The following PLCG2 variants were observed in gnomAD, a reference collection of about 807,000 sequenced individuals.
The protein encoded by PLCG2 is phospholipase C gamma 2.
A neutral mutation model predicts 175.6 loss-of-function variants in PLCG2; 69 were observed. The observed-to-expected ratio is 0.39, with a 90% CI of 0.32 to 0.48. The LOEUF is 0.48. PLCG2 is among the 20% of genes least tolerant of loss of function. The probability of loss-of-function intolerance (pLI) is 0.91; values close to 1 mark genes in which losing one functional copy is unlikely to be tolerated. For missense variants in PLCG2, 1,798 were observed against 1,650.9 expected (o/e 1.09, Z -1.54); for synonymous variants, 827 against 624.0 (o/e 1.33, Z -4.85).
At chr16:81,936,504 A>G (rs1199073261) in intron 27 of PLCG2, 126 bp downstream of exon 27, 3 of 740,912 alleles carry the variant, frequency 4.0e-6, no homozygotes, top group Non-Finnish European at 7.0e-6. Flanking sequence ...GAGGGACTGC[A>G]CGGTTCAGCA....
chr16:81,929,488 T>C (rs1448670186), intron 24 of PLCG2, among the ~76,000 whole-genome samples: 2 of 152,202 alleles, frequency 1.3e-5, no homozygotes, highest in South Asian at 4.1e-4. Context: ...CTCTGCCTCC[T>C]GGATTCAAGT....
rs562431929 is a variant in PLCG2, at chr16:81,825,996, C to T, written c.194-28448C>T. 1.0e-3 allele frequency among the ~76,000 whole-genome samples: 155 copies of T among 152,140 alleles called. 1 individual carries two copies. Among genetic ancestry groups the T allele is most frequent in the African/African-American group, 3.6e-3 (148 of 41,502 alleles). On this transcript the variant is annotated intron_variant, in intron 2 of 32. Coordinates refer to ENST00000564138, the MANE Select transcript of PLCG2 (RefSeq NM_002661.5). ...AGTGAAAGGAGCTTTGAACTTGGAGCGAGCTCTGGAAATGTTGTCTGGTCG... is the reference window on the plus strand; with the variant it reads ...AGTGAAAGGAGCTTTGAACTTGGAGTGAGCTCTGGAAATGTTGTCTGGTCG...
chr16:81,754,090 T>A (rs1258130743), intron 1 of PLCG2, among the ~76,000 whole-genome samples: 1 of 152,020 alleles, frequency 6.6e-6, no homozygotes, highest in Non-Finnish European at 1.5e-5. Context: ...CTTCGCTCCT[T>A]GGTAACTATC....
At chr16:81,821,500 C>T (rs1953423218) in intron 2 of PLCG2, among the ~76,000 whole-genome samples, 1 of 152,150 alleles carries the variant, frequency 6.6e-6, no homozygotes, top group African/African-American at 2.4e-5. Context: ...GATCGGCTGA[C>T]AGGCAGCCGT....
chr16:81,821,004 A>C (rs1416232908), intron 2 of PLCG2, among the ~76,000 whole-genome samples: 1 of 148,820 alleles, frequency 6.7e-6, no homozygotes, highest in Non-Finnish European at 1.5e-5. Context: ...TGATCCGCCC[A>C]CCTCAGCCTC....
intron 1 of PLCG2, among the ~76,000 whole-genome samples, chr16:81,780,002 G>C (rs1910658346): frequency 6.6e-6 from 1 of 152,194 alleles, no homozygotes; most frequent in Non-Finnish European, 1.5e-5. Flanking sequence ...TTGTGTTTTG[G>C]AATCCCAAAG....
intron 2 of PLCG2, among the ~76,000 whole-genome samples, chr16:81,815,625 A>T (rs1039198336): frequency 1.3e-5 from 2 of 152,182 alleles, no homozygotes; most frequent in African/African-American, 4.8e-5. Flanking sequence ...CTCAGAACAC[A>T]AGTCCCTCTT....
intron 2 of PLCG2, among the ~76,000 whole-genome samples, chr16:81,802,638 C>A (rs747478866): frequency 4.6e-5 from 7 of 152,002 alleles, no homozygotes; most frequent in Non-Finnish European, 1.0e-4. Flanking sequence ...GTGGCGCAAT[C>A]TCAGCTCACT....
At chr16:81,799,598 A>ATTT (rs35033377) in intron 2 of PLCG2, among the ~76,000 whole-genome samples, 5 of 134,652 alleles carry the variant, frequency 3.7e-5, no homozygotes, top group Admixed American at 7.5e-5. Context: ...CCTGTTATTA[A>ATTT]TTTTTTTTTT....
At position 81,935,745 on chromosome 16, in the gene PLCG2, C is replaced by G. The variant is rs141438413; in HGVS notation, c.2843-424C>G. On this transcript the variant is annotated intron_variant, in intron 26 of 32. Transcript: ENST00000564138. ...CTGCACAGGCACCCACATTGCAACC[C>G]TACCTGTGGGCTTTGGCAGGTGATT... 42 of 985,380 alleles carry G rather than the reference C, an allele frequency of 4.3e-5. No homozygotes were observed. The East Asian group carries it at 4.0e-3, about 93-fold the overall frequency. The allele number at this position is 985,380 out of a possible 1,614,324, so 61.0% of individuals were successfully genotyped here. A position where few individuals can be genotyped will look rare whatever the true frequency, so the allele number is the denominator to read the frequency against.
chr16:81,947,203 T>C (rs1399739038), intron 31 of PLCG2, among the ~76,000 whole-genome samples: 1 of 152,174 alleles, frequency 6.6e-6, no homozygotes, highest in African/African-American at 2.4e-5. Flanking sequence ...GAAAATTGTG[T>C]TGATGCAGAT....
At chr16:81,944,841 C>T (rs961288040) in intron 30 of PLCG2, among the ~76,000 whole-genome samples, 31 of 152,188 alleles carry the variant, frequency 2.0e-4, no homozygotes, top group Admixed American at 1.9e-3. Flanking sequence ...AGGTCCTGAA[C>T]GAGTCCCCCA....
intron 1 of PLCG2, among the ~76,000 whole-genome samples, chr16:81,781,008 C>G (rs1910703951): frequency 6.6e-6 from 1 of 150,726 alleles, no homozygotes; most frequent in African/African-American, 2.4e-5. Context: ...GCCTGGGTGA[C>G]AAGAGAGACT....
upstream of PLCG2, among the ~76,000 whole-genome samples, chr16:81,778,431 T>C (rs116111920): frequency 7.4e-3 from 1,132 of 152,282 alleles, 10 homozygotes; most frequent in African/African-American, 0.026. Context: ...CTGACAGCTG[T>C]CTAGGTGCCC....
intron 30 of PLCG2, among the ~76,000 whole-genome samples, 180 bp downstream of exon 30, chr16:81,940,239 G>C (rs1910884744): frequency 6.6e-6 from 1 of 152,198 alleles, no homozygotes; most frequent in Non-Finnish European, 1.5e-5. Context: ...GTGGGAGGAA[G>C]TGGGTGACAG....
intron 4 of PLCG2, 81 bp downstream of exon 4, chr16:81,858,437 GGAA>G (rs1567501979): frequency 1.7e-5 from 5 of 286,682 alleles, no homozygotes; most frequent in South Asian, 7.0e-5. Context: ...GCTACAGGGG[GGAA>G]AAAAAAAAAA....
intron 2 of PLCG2, among the ~76,000 whole-genome samples, chr16:81,814,768 T>C (rs1336237865): frequency 6.6e-6 from 1 of 152,174 alleles, no homozygotes; most frequent in Non-Finnish European, 1.5e-5. Context: ...AAGGCTTTTG[T>C]CCTGTCTCAC....
At chr16:81,884,403 G>A (rs1908251611) in intron 9 of PLCG2, among the ~76,000 whole-genome samples, 2 of 151,422 alleles carry the variant, frequency 1.3e-5, no homozygotes, top group Admixed American at 6.6e-5. Context: ...AAAAGTCAAA[G>A]AAGTATTCAG....
intron 1 of PLCG2, among the ~76,000 whole-genome samples, chr16:81,746,428 C>A (rs990785806): frequency 8.5e-5 from 13 of 152,150 alleles, no homozygotes; most frequent in African/African-American, 3.1e-4. Context: ...TCGAAACGGC[C>A]GCTGGGGCAG....
Sources: allele counts gnomAD v4.1 joint callset (sites outside exome capture counted in the v4.1 genomes callset), GRCh38; gene constraint gnomAD v4.1.1; transcripts MANE v1.5; gene names NCBI Gene and HGNC (gene_info 2026-07-23, HGNC 2026-07-21).